The following PTCH1 variants were observed in gnomAD, a reference collection of about 807,000 sequenced individuals.
PTCH1 encodes the protein protein patched homolog 1.
A neutral mutation model predicts 144.6 loss-of-function variants in PTCH1; 14 were observed. That is an observed-to-expected ratio of 0.10 (90% CI 0.06 to 0.15). PTCH1 has a LOEUF of 0.15. Ranked by LOEUF, PTCH1 falls within the 10% of genes least tolerant of loss-of-function variation. PTCH1 has a pLI of 1.00. For synonymous variants in PTCH1, 833 were observed against 793.6 expected (o/e 1.05, Z -0.83); for missense variants, 1,623 against 1,948.3 (o/e 0.83, Z 3.14).
intron 2 of PTCH1, among the ~76,000 whole-genome samples, chr9:95,487,324 C>A (rs1450235723): frequency 6.6e-6 from 1 of 152,200 alleles, no homozygotes; most frequent in Non-Finnish European, 1.5e-5. Flanking sequence ...AATAAGACTT[C>A]TGTGTGCAGA....
At chr9:95,451,434 G>C (rs1042740369) in intron 20 of PTCH1, 1 of 152,210 alleles carries the variant, frequency 6.6e-6, no homozygotes, top group Non-Finnish European at 1.5e-5. Flanking sequence ...GAGGAACCCT[G>C]ATATTTCTGG....
intron 2 of PTCH1, chr9:95,495,376 AGTATGTG>A (rs573299480): frequency 1.8e-4 from 28 of 152,136 alleles, no homozygotes; most frequent in Non-Finnish European, 3.5e-4. Flanking sequence ...TGCATTTCAA[AGTATGTG>A]AGCCATTCAA....
In PTCH1 at chr9:95,485,746, GC is replaced by G; in HGVS notation, c.522del (p.Leu175SerfsTer45). ...AGTGCCGAGTCCAGGTGTTGTAGGAGCGCTTCTGTGGTCAGGACATTAGCAC... is the reference window on the plus strand; with the variant it reads ...AGTGCCGAGTCCAGGTGTTGTAGGAGGCTTCTGTGGTCAGGACATTAGCAC... ...EEGANVLTTE[A>X]LLQHLDSALQ... On this transcript the variant is annotated frameshift_variant, in exon 3 of 24. Transcript: ENST00000331920. LOFTEE classifies it high-confidence loss of function. 1 of 1,614,210 alleles carries G rather than the reference GC, an allele frequency of 6.2e-7. No individual in the cohort carries two copies. Among genetic ancestry groups the G allele is most frequent in the Non-Finnish European group, 8.5e-7 (1 of 1,180,042 alleles).
chr9:95,456,314 C>G lies in PTCH1; in HGVS notation c.3268G>C (p.Val1090Leu), dbSNP rs775188592. ...AVPVVILIAS[V>L]GIGVEFTVHV... is the part of the protein sequence containing the mutation. ...ACGGTGAACTCCACTCCTATGCCAA[C>G]AGAAGCGATCAGGATGACCACGGGC... is the stretch of plus-strand genomic sequence containing the variant. Residue 1090 changes from valine (V) to leucine (L), a missense_variant, in exon 19 of 24, where the codon GTT becomes CTT. Transcript: ENST00000331920. 4 of 1,614,088 alleles carry G rather than the reference C, an allele frequency of 2.5e-6. No individual in the cohort carries two copies. Among genetic ancestry groups the G allele is most frequent in the South Asian group, 1.1e-5 (1 of 91,086 alleles).
At chr9:95,515,997 C>T (rs943553375) in intron 1 of PTCH1, among the ~76,000 whole-genome samples, 1 of 152,024 alleles carries the variant, frequency 6.6e-6, no homozygotes, top group Admixed American at 6.5e-5. Flanking sequence ...TGAGCCCCCT[C>T]CCCTCGGCGC....
At chr9:95,456,535 T>C in intron 18 of PTCH1, 122 bp from the exon 19 acceptor site, 1 of 1,334,798 alleles carries the variant, frequency 7.5e-7, no homozygotes, top group South Asian at 1.3e-5. Flanking sequence ...TGGACTGACT[T>C]GCTTTAACTC....
Position 95,443,934 on chromosome 9 carries a change from T to C in PTCH1, c.*2459A>G, listed in dbSNP as rs1480247336. 6.6e-6 allele frequency: 1 copy of C among 152,618 alleles called. No individual in the cohort carries two copies. Among genetic ancestry groups the C allele is most frequent in the Non-Finnish European group, 1.5e-5 (1 of 68,036 alleles). The allele number at this position is 152,618 out of a possible 1,614,324, so 9.5% of individuals were successfully genotyped here. ...GTAAATGTTATATACTCTGAACTAT[T>C]TAACATTAGTAAGCACTCTATACAA... On this transcript the variant is annotated 3_prime_UTR_variant, in exon 24 of 24. Coordinates refer to ENST00000331920, the MANE Select transcript of PTCH1 (RefSeq NM_000264.5).
upstream of PTCH1, among the ~76,000 whole-genome samples, chr9:95,509,710 C>G (rs1844047253): frequency 6.6e-6 from 1 of 152,156 alleles, no homozygotes; most frequent in African/African-American, 2.4e-5. Context: ...CAAAGAAAAG[C>G]CTTTCAGAGG....
intron 19 of PTCH1, 76 bp downstream of exon 19, chr9:95,456,200 C>T (rs1160040526): frequency 6.3e-7 from 1 of 1,595,880 alleles, no homozygotes; most frequent in Non-Finnish European, 8.5e-7. Context: ...ATGCAAGGTT[C>T]CCACTTGGAG....
chr9:95,508,404 C>T lies in PTCH1; in HGVS notation c.-43G>A, dbSNP rs1843922463. On this transcript the variant is annotated 5_prime_UTR_variant, in exon 1 of 24. Transcript: ENST00000331920. ...CGCCGCCGCGGGGACGGAGGCTTCC[C>T]GGGCGGCCCGGCGCGCTGCTGCCGC... 1.8e-6 allele frequency: 2 copies of T among 1,083,548 alleles called. No individual in the cohort carries two copies. Among genetic ancestry groups the T allele is most frequent in the African/African-American group, 1.7e-5 (1 of 59,172 alleles). The allele number at this position is 1,083,548 out of a possible 1,614,324, so 67.1% of individuals were successfully genotyped here. A position where few individuals can be genotyped will look rare whatever the true frequency, so the allele number is the denominator to read the frequency against.
chr9:95,460,863 A>C (rs1839392764), intron 16 of PTCH1, among the ~76,000 whole-genome samples: 1 of 151,258 alleles, frequency 6.6e-6, no homozygotes, highest in Non-Finnish European at 1.5e-5. Context: ...TCTGAGGCAG[A>C]CTCCTCTGCC....
intron 3 of PTCH1, 51 bp from the exon 4 acceptor site, chr9:95,482,254 T>C (rs754203185): frequency 2.6e-6 from 4 of 1,523,112 alleles, no homozygotes; most frequent in Non-Finnish European, 2.7e-6. Flanking sequence ...ATAAGAAAAT[T>C]AGTGCAAATT....
chr9:95,505,834 C>T (rs186322840), intron 2 of PTCH1, among the ~76,000 whole-genome samples: 1 of 150,892 alleles, frequency 6.6e-6, no homozygotes, highest in Non-Finnish European at 1.5e-5. Flanking sequence ...TGAAAGCTGT[C>T]CAAAAACAGG....
intron 20 of PTCH1, chr9:95,451,137 C>T (rs1030639689): frequency 6.6e-6 from 1 of 152,172 alleles, no homozygotes; most frequent in Non-Finnish European, 1.5e-5. Context: ...ATACAAATAC[C>T]TCACAGCTAT....
At chr9:95,460,056 C>T (rs540464552) in intron 16 of PTCH1, 5 of 479,604 alleles carry the variant, frequency 1.0e-5, no homozygotes, top group African/African-American at 3.9e-5. Flanking sequence ...GCTAAAAGAC[C>T]GTCTGCAGCC....
chr9:95,463,430 T>C (rs1564026655), intron 15 of PTCH1, among the ~76,000 whole-genome samples: 2 of 152,048 alleles, frequency 1.3e-5, no homozygotes, highest in East Asian at 1.9e-4. Flanking sequence ...CGGGTTTTCA[T>C]AGGGAGGCAT....
rs1356790716 is a variant in PTCH1 at position 95,476,290 on chromosome 9, C to T, written c.1603-131G>A. The T allele has an allele frequency of 3.0e-6, 4 of 1,322,412 alleles. No homozygotes were observed. The highest frequency in any genetic ancestry group is 3.1e-6 in the Non-Finnish European group (3 of 952,716). The allele number at this position is 1,322,412 out of a possible 1,614,324, so 81.9% of individuals were successfully genotyped here. Reference sequence around the variant, plus strand: ...GCTTATCATGCTGGCATTAGGGAAACAGAGCCACCTGCCTTACCCCCTAAC... The same window carrying T: ...GCTTATCATGCTGGCATTAGGGAAATAGAGCCACCTGCCTTACCCCCTAAC... On this transcript the variant is annotated intron_variant, in intron 11 of 23. Transcript: ENST00000331920. The surrounding 1 kb of genome is among the most constrained non-coding windows in gnomAD (Gnocchi z 4.6).
At chr9:95,507,840 G>C (rs1190602577) in intron 1 of PTCH1, 3 of 1,006,274 alleles carry the variant, frequency 3.0e-6, no homozygotes, top group African/African-American at 3.4e-5. Context: ...GGCCGCCCTT[G>C]AGGTGGTCCG....
At chr9:95,506,161 G>C (rs1056107687) in intron 2 of PTCH1, 167 of 213,016 alleles carry the variant, frequency 7.8e-4, no homozygotes, top group East Asian at 2.1e-3. Context: ...CCGCGCCCCC[G>C]TCCCGCCCCC....
Sources: allele counts gnomAD v4.1 joint callset (sites outside exome capture counted in the v4.1 genomes callset), GRCh38; gene constraint gnomAD v4.1.1; non-coding constraint Gnocchi (gnomAD v3.1); transcripts MANE v1.5; gene names NCBI Gene and HGNC (gene_info 2026-07-23, HGNC 2026-07-21).